The following APLP1 variants were observed in gnomAD, a reference collection of about 807,000 sequenced individuals.
APLP1 encodes amyloid beta (A4) precursor-like protein 1.
Under a neutral mutation model 84.5 loss-of-function variants are expected in APLP1, and 46 were observed. That is an observed-to-expected ratio of 0.54 (90% CI 0.43 to 0.70). APLP1 has a LOEUF of 0.70. APLP1 is among the 30% of genes least tolerant of loss of function. APLP1 has a pLI of 0.00. For missense variants in APLP1, 826 were observed against 900.2 expected (o/e 0.92, Z 1.05); for synonymous variants, 376 against 364.0 (o/e 1.03, Z -0.38).
chr19:35,870,888 C>T lies in APLP1; in HGVS notation c.292-8C>T, dbSNP rs771542449. 1.9e-6 allele frequency: 3 copies of T among 1,602,418 alleles called. No homozygotes were observed. Among genetic ancestry groups the T allele is most frequent in the Non-Finnish European group, 8.5e-7 (1 of 1,175,544 alleles). ...AGTGGGCTGATTGCCCCCATCTGATCCCCCCAGATGTACCCGGAGCTGCAG... is the reference window on the plus strand; with the variant it reads ...AGTGGGCTGATTGCCCCCATCTGATTCCCCCAGATGTACCCGGAGCTGCAG... On this transcript the variant is annotated splice_polypyrimidine_tract_variant and splice_region_variant and intron_variant, in intron 2 of 16. Transcript: ENST00000221891.
Position 35,874,490 on chromosome 19 carries a change from C to CA in APLP1, c.1057-13dup. 3 of 1,613,610 alleles carry CA rather than the reference C, an allele frequency of 1.9e-6. No individual in the cohort carries two copies. Among genetic ancestry groups the CA allele is most frequent in the Non-Finnish European group, 2.5e-6 (3 of 1,179,570 alleles). Reference sequence around the variant, plus strand: ...TCTTCTCCTCTCCTGACCCTGTGCCCACCCGCTCCCCAGCACTTCCAGTCC... The same window carrying CA: ...TCTTCTCCTCTCCTGACCCTGTGCCCAACCCGCTCCCCAGCACTTCCAGTCC... On this transcript the variant is annotated splice_polypyrimidine_tract_variant and intron_variant, in intron 8 of 16. Coordinates refer to ENST00000221891, the MANE Select transcript of APLP1 (RefSeq NM_001024807.3). The surrounding 1 kb of genome is among the most constrained non-coding windows in gnomAD (Gnocchi z 6.4).
intron 4 of APLP1, 116 bp downstream of exon 4, chr19:35,871,465 G>C (rs1264590838): frequency 7.4e-7 from 1 of 1,359,068 alleles, no homozygotes; most frequent in African/African-American, 1.4e-5. Context: ...TCGCACTTGG[G>C]ATCTAAGAAT....
intron 6 of APLP1, 37 bp downstream of exon 6, chr19:35,872,073 A>G (rs1486718568): frequency 3.1e-6 from 5 of 1,593,082 alleles, no homozygotes; most frequent in East Asian, 2.2e-5. Context: ...CCTCTCCACC[A>G]TAGAGGGAGA....
At chr19:35,869,607 C>T in intron 1 of APLP1, 60 bp from the exon 2 acceptor site, 1 of 1,598,338 alleles carries the variant, frequency 6.3e-7, no homozygotes, top group South Asian at 1.1e-5. Context: ...GAGCAAAGAA[C>T]CAGGGGACCC....
In APLP1 at chr19:35,871,271, T is replaced by C. The variant is rs1974138491; in HGVS notation, c.459T>C (p.Pro153=). 9.9e-6 allele frequency: 16 copies of C among 1,613,516 alleles called. No homozygotes were observed. Among genetic ancestry groups the C allele is most frequent in the African/African-American group, 1.3e-5 (1 of 74,870 alleles). ...TTGTGAGTGAGGCCCTGCTGGTGCC[T>C]GAAGGCTGCCGGTTCTTGCACCAGG... ...GEFVSEALLV[P]EGCRFLHQER... is the part of the protein sequence containing the mutation. The change falls in exon 4 of 17, where the codon CCT becomes CCC. Residue 153 remains proline (P), a synonymous_variant. Transcript: ENST00000221891.
At chr19:35,876,270 C>G (rs1233202070) in intron 10 of APLP1, among the ~76,000 whole-genome samples, 1 of 152,186 alleles carries the variant, frequency 6.6e-6, no homozygotes, top group Non-Finnish European at 1.5e-5. Context: ...CATGTCATTT[C>G]TATATGACCC....
In APLP1 at chr19:35,868,873, G is replaced by T. The variant is rs951384129; in HGVS notation, c.147+90G>T. On this transcript the variant is annotated intron_variant, in intron 1 of 16. Transcript: ENST00000221891. The surrounding 1 kb of genome is among the most constrained non-coding windows in gnomAD (Gnocchi z 5.2). ...CGGACATGTCCAGGGCAGAAAGCGC[G>T]GTCTTTCCAGCCAGGTGGTCAGCCC... The T allele has an allele frequency of 1.4e-5, 16 of 1,171,218 alleles. No individual in the cohort carries two copies. Among genetic ancestry groups the T allele is most frequent in the Non-Finnish European group, 1.6e-5 (15 of 923,686 alleles). The allele number at this position is 1,171,218 out of a possible 1,614,324, so 72.6% of individuals were successfully genotyped here.
At position 35,879,549 on chromosome 19, in the gene APLP1, C is replaced by A; in HGVS notation, c.*108C>A. 2 of 885,194 alleles carry A rather than the reference C, an allele frequency of 2.3e-6. No homozygotes were observed. Among genetic ancestry groups the A allele is most frequent in the Non-Finnish European group, 3.5e-6 (2 of 569,442 alleles). The allele number at this position is 885,194 out of a possible 1,614,324, so 54.8% of individuals were successfully genotyped here. On this transcript the variant is annotated 3_prime_UTR_variant, in exon 17 of 17. Transcript: ENST00000221891. Reference sequence around the variant, plus strand: ...GCAGGGAGTCTTGAAGTGATCATTTCACACCCTTTTGTGAGACGGCTGGAA... The same window carrying A: ...GCAGGGAGTCTTGAAGTGATCATTTAACACCCTTTTGTGAGACGGCTGGAA...
Position 35,879,539 on chromosome 19 carries a change from G to A in APLP1, c.*98G>A. 1 of 1,023,746 alleles carries A rather than the reference G, an allele frequency of 9.8e-7. No individual in the cohort carries two copies. Among genetic ancestry groups the A allele is most frequent in the Non-Finnish European group, 1.5e-6 (1 of 676,360 alleles). The allele number at this position is 1,023,746 out of a possible 1,614,324, so 63.4% of individuals were successfully genotyped here. A position where few individuals can be genotyped will look rare whatever the true frequency, so the allele number is the denominator to read the frequency against. On this transcript the variant is annotated 3_prime_UTR_variant, in exon 17 of 17. Transcript: ENST00000221891. ...GCCTAGGGCAGCAGGGAGTCTTGAA[G>A]TGATCATTTCACACCCTTTTGTGAG...
At position 35,872,584 on chromosome 19, in the gene APLP1, G is replaced by C. The variant is rs1407862251; in HGVS notation, c.952G>C (p.Glu318Gln). ...GTTCCTGAGGGCCAAGATGGACCTG[G>C]AGGAGCGTAGGATGCGCCAGATTAA... ...EGFLRAKMDL[E>Q]ERRMRQINEV... Residue 318 changes from glutamate (E) to glutamine (Q), a missense_variant, in exon 7 of 17, where the codon GAG becomes CAG. Physicochemically the swap from Glu to Gln is conservative, Grantham distance 29. Coordinates refer to ENST00000221891, the MANE Select transcript of APLP1 (RefSeq NM_001024807.3). 1.2e-6 allele frequency: 2 copies of C among 1,613,688 alleles called. No homozygotes were observed. The highest frequency in any genetic ancestry group is 1.7e-6 in the Non-Finnish European group (2 of 1,179,832).
chr19:35,879,232 G>T lies in APLP1; in HGVS notation c.1857+15G>T. The T allele has an allele frequency of 1.2e-6, 2 of 1,610,942 alleles. No individual in the cohort carries two copies. Among genetic ancestry groups the T allele is most frequent in the Non-Finnish European group, 8.5e-7 (1 of 1,178,628 alleles). On this transcript the variant is annotated intron_variant, in intron 16 of 16. Coordinates refer to ENST00000221891, the MANE Select transcript of APLP1 (RefSeq NM_001024807.3). ...GCGTGGTGGAGGTGAGAACCATGGCGTGGTGGAGGTGTGGGAAGAGTTCCT... is the reference window on the plus strand; with the variant it reads ...GCGTGGTGGAGGTGAGAACCATGGCTTGGTGGAGGTGTGGGAAGAGTTCCT...
At position 35,870,920 on chromosome 19, in the gene APLP1, C is replaced by G. The variant is rs144561889; in HGVS notation, c.316C>G (p.Arg106Gly). ...RQMYPELQIA[R>G]VEQATQAIPM... ...GATGTACCCGGAGCTGCAGATTGCA[C>G]GTGTGGAGCAGGCTACGCAGGCCAT... Residue 106 changes from arginine (R) to glycine (G), a missense_variant, in exon 3 of 17, where the codon CGT becomes GGT. By Grantham distance (125) the Arg-to-Gly change is moderately radical. Transcript: ENST00000221891. 334 of 1,604,396 alleles carry G rather than the reference C, an allele frequency of 2.1e-4. No homozygotes were observed. Among genetic ancestry groups the G allele is most frequent in the Non-Finnish European group, 2.6e-4 (307 of 1,176,472 alleles).
At chr19:35,872,105 G>A in intron 6 of APLP1, 69 bp downstream of exon 6, 2 of 1,542,798 alleles carry the variant, frequency 1.3e-6, no homozygotes, top group East Asian at 4.5e-5. Flanking sequence ...GAGTCTTGCT[G>A]GGGGGTGTCT....
At chr19:35,878,527 C>T in intron 13 of APLP1, 57 bp from the exon 14 acceptor site, 2 of 1,580,536 alleles carry the variant, frequency 1.3e-6, no homozygotes, top group African/African-American at 2.7e-5. Context: ...GCCTGGGTGA[C>T]AGAGTGAGAC....
chr19:35,874,124 T>C lies in APLP1; in HGVS notation c.1057-380T>C, dbSNP rs896901353. Among the ~76,000 whole-genome samples, 1 of 152,126 alleles carries C rather than the reference T, an allele frequency of 6.6e-6. No homozygotes were observed. Among genetic ancestry groups the C allele is most frequent in the African/African-American group, 2.4e-5 (1 of 41,424 alleles). On this transcript the variant is annotated intron_variant, in intron 8 of 16. Coordinates refer to ENST00000221891, the MANE Select transcript of APLP1 (RefSeq NM_001024807.3). This position sits in a 1 kb window ranked among gnomAD's most constrained non-coding sequence, Gnocchi z 6.4. ...ACCTACCCCATGGAGACCCCACTCA[T>C]GTTAGCCCCCATTCCAGCTCTTTGT...
chr19:35,877,352 G>A (rs369561359), intron 11 of APLP1, among the ~76,000 whole-genome samples: 1 of 152,066 alleles, frequency 6.6e-6, no homozygotes, highest in African/African-American at 2.4e-5. Context: ...AGCCGGGCAT[G>A]ATGTCGCTTG....
Position 35,871,033 on chromosome 19 carries a change from G to T in APLP1, c.424+5G>T. 1 of 1,519,700 alleles carries T rather than the reference G, an allele frequency of 6.6e-7. No homozygotes were observed. The highest frequency in any genetic ancestry group is 2.1e-5 in the Admixed American group (1 of 46,638). 94.1% of individuals were successfully genotyped at this position (1,519,700 alleles called of 1,614,324 possible). ...TTGTGCCCTTCCGCTGCCTGCGTGA[G>T]TCCCAGGCGGGGAGAGGGGAACTGA... On this transcript the variant is annotated splice_donor_5th_base_variant and intron_variant, in intron 3 of 16. Transcript: ENST00000221891.
At chr19:35,878,853 C>G in intron 14 of APLP1, 37 bp from the exon 15 acceptor site, 3 of 1,613,308 alleles carry the variant, frequency 1.9e-6, no homozygotes, top group Non-Finnish European at 2.5e-6. Flanking sequence ...AAGCCAGTGC[C>G]AGGCTTCTGG....
chr19:35,873,074 G>A (rs1267437045), intron 7 of APLP1, among the ~76,000 whole-genome samples: 12 of 151,522 alleles, frequency 7.9e-5, no homozygotes. Context: ...TGGCCAGGAT[G>A]GTCTTGAACT....
Sources: gnomAD v4.1 joint callset for allele counts (sites outside exome capture counted in the v4.1 genomes callset) on GRCh38, gnomAD v4.1.1 for gene constraint, Gnocchi (gnomAD v3.1) non-coding constraint, MANE v1.5 for transcripts, NCBI Gene and HGNC (gene_info 2026-07-23, HGNC 2026-07-21) for gene names.